Variants in NEO1 observed in about 807,000 individuals in gnomAD.
NEO1 encodes neogenin.
Under a neutral mutation model 159.7 loss-of-function variants are expected in NEO1, and 63 were observed. The observed-to-expected ratio is 0.39, with a 90% CI of 0.32 to 0.49. The LOEUF (loss-of-function observed/expected upper bound fraction) is 0.49, where lower values mean the gene tolerates loss of function less well. NEO1 is among the 20% of genes least tolerant of loss of function. NEO1 has a pLI of 0.85. For synonymous variants in NEO1, 633 were observed against 662.0 expected (o/e 0.96, Z 0.67); for missense variants, 1,615 against 1,831.0 (o/e 0.88, Z 2.15).
intron 1 of NEO1, among the ~76,000 whole-genome samples, chr15:73,093,672 C>T (rs1386923292): frequency 2.0e-5 from 3 of 151,932 alleles, no homozygotes; most frequent in African/African-American, 7.3e-5. Flanking sequence ...CTCCCAGGCT[C>T]AGGTGATCCT....
chr15:73,302,478 C>T (rs1567741964), intron 28 of NEO1, 135 bp from the exon 29 acceptor site: 6 of 700,872 alleles, frequency 8.6e-6, no homozygotes, highest in Non-Finnish European at 9.7e-6. Flanking sequence ...CTCTTCTGAG[C>T]CACCCTGCGT....
rs149800857 is a variant in NEO1, at chr15:73,301,445, A to G, written c.4290A>G (p.Glu1430=). Residue 1430 remains glutamate (E), a synonymous_variant, in exon 28 of 29, where the codon GAA becomes GAG. Transcript: ENST00000261908. ...TGCAGGAGACCACAAGGATGTTGGA[A>G]GACTCCGAGAGTGTAAGTTCGTGGG... ...PEVQETTRML[E]DSESSYEPDE... 4.9e-5 allele frequency: 79 copies of G among 1,614,180 alleles called. 1 individual carries two copies. The African/African-American group carries it at 6.8e-4, about 14-fold the overall frequency.
chr15:73,286,027 C>G (rs989029374), intron 23 of NEO1, among the ~76,000 whole-genome samples: 7 of 152,128 alleles, frequency 4.6e-5, no homozygotes, highest in Admixed American at 6.5e-5. Flanking sequence ...TAAGTGTGCT[C>G]TAACTTCTTC....
chr15:73,097,786 T>C (rs1304126565), intron 1 of NEO1, among the ~76,000 whole-genome samples: 1 of 146,650 alleles, frequency 6.8e-6, no homozygotes, highest in Non-Finnish European at 1.5e-5. Flanking sequence ...CTTTTTTTTT[T>C]TTTTTTTTTT....
At chr15:73,122,063 G>GTA (rs200219694) in intron 2 of NEO1, among the ~76,000 whole-genome samples, 6,864 of 125,556 alleles carry the variant, frequency 0.055, 200 homozygotes, top group Admixed American at 0.073. Context: ...GTGTGTGTGT[G>GTA]TATATATATA....
At chr15:73,235,131 C>T (rs1045226593) in intron 7 of NEO1, among the ~76,000 whole-genome samples, 7 of 152,140 alleles carry the variant, frequency 4.6e-5, no homozygotes, top group South Asian at 2.1e-4. Flanking sequence ...ATTTATTTCA[C>T]GTGGCGTATT....
intron 1 of NEO1, among the ~76,000 whole-genome samples, chr15:73,102,585 G>T (rs2070462457): frequency 6.6e-6 from 1 of 152,068 alleles, no homozygotes; most frequent in Non-Finnish European, 1.5e-5. Flanking sequence ...CTAATGAATG[G>T]CTGTGTTTTA....
At chr15:73,184,244 C>T (rs536341977) in intron 7 of NEO1, among the ~76,000 whole-genome samples, 2 of 152,272 alleles carry the variant, frequency 1.3e-5, no homozygotes, top group East Asian at 3.9e-4. Context: ...CAGCCTCCGC[C>T]TCCCGGGTTC....
intron 5 of NEO1, among the ~76,000 whole-genome samples, chr15:73,168,002 CAA>C (rs1440354600): frequency 6.6e-6 from 1 of 151,874 alleles, no homozygotes. Flanking sequence ...TTAGGAGAAA[CAA>C]TGATATAAAA....
rs1436351337 is a variant in NEO1, at chr15:73,289,338, A to G, written c.3742+100A>G. 4.0e-6 allele frequency: 4 copies of G among 1,001,688 alleles called. No homozygotes were observed. In the African/African-American group the frequency reaches 4.8e-5, roughly 12 times the overall value. 62.0% of individuals were successfully genotyped at this position (1,001,688 alleles called of 1,614,324 possible). On this transcript the variant is annotated intron_variant, in intron 25 of 28. Transcript: ENST00000261908. ...TTTTGACTTCACTTGATTCTAACAC[A>G]AAGATAATCTACCAAAGCTTTGACA...
chr15:73,231,433 T>C (rs2038904941), intron 7 of NEO1, among the ~76,000 whole-genome samples: 1 of 152,170 alleles, frequency 6.6e-6, no homozygotes, highest in African/African-American at 2.4e-5. Flanking sequence ...TTCCTCTTGC[T>C]ATAAAAGTAG....
chr15:73,076,321 C>T (rs904044451), intron 1 of NEO1, among the ~76,000 whole-genome samples: 75 of 152,122 alleles, frequency 4.9e-4, no homozygotes, highest in African/African-American at 1.7e-3. Flanking sequence ...AATTTTTACC[C>T]TGCTCTTAAG....
At chr15:73,232,088 G>T (rs1324667385) in intron 7 of NEO1, among the ~76,000 whole-genome samples, 6 of 152,092 alleles carry the variant, frequency 3.9e-5, no homozygotes, top group African/African-American at 4.8e-5. Context: ...TTGATTATGA[G>T]TCACACTTTA....
chr15:73,271,713 C>A (rs2041177255), intron 18 of NEO1, among the ~76,000 whole-genome samples: 1 of 152,020 alleles, frequency 6.6e-6, no homozygotes, highest in African/African-American at 2.4e-5. Context: ...TCGAGACCAG[C>A]CTGGCCAACA....
intron 4 of NEO1, among the ~76,000 whole-genome samples, chr15:73,127,232 A>G (rs893673817): frequency 9.5e-5 from 14 of 147,990 alleles, no homozygotes; most frequent in African/African-American, 3.4e-4. Context: ...CGCCGTCTCA[A>G]AAAAAAAAAA....
At chr15:73,225,263 A>G (rs1410706180) in intron 7 of NEO1, among the ~76,000 whole-genome samples, 1 of 151,986 alleles carries the variant, frequency 6.6e-6, no homozygotes, top group African/African-American at 2.4e-5. Flanking sequence ...TTAATGCTCT[A>G]TTTTTGTGCT....
intron 8 of NEO1, 87 bp downstream of exon 8, chr15:73,236,593 C>A: frequency 8.4e-7 from 1 of 1,189,378 alleles, no homozygotes; most frequent in Non-Finnish European, 1.2e-6. Flanking sequence ...GTATCTGTAC[C>A]AATTTTTAGT....
intron 7 of NEO1, among the ~76,000 whole-genome samples, chr15:73,200,451 A>C (rs377224748): frequency 7.0e-6 from 1 of 142,468 alleles, no homozygotes; most frequent in African/African-American, 2.6e-5. Flanking sequence ...AGAGAGGGAG[A>C]GGGGGAGGGG....
At chr15:73,053,230 A>T (rs1331739820) in intron 1 of NEO1, among the ~76,000 whole-genome samples, 2 of 152,108 alleles carry the variant, frequency 1.3e-5, no homozygotes, top group Non-Finnish European at 2.9e-5. Flanking sequence ...AGGGGGCTTG[A>T]GCTCCTGGTT....
Sources: gnomAD v4.1 joint callset for allele counts (sites outside exome capture counted in the v4.1 genomes callset) on GRCh38, gnomAD v4.1.1 for gene constraint, MANE v1.5 for transcripts, NCBI Gene and HGNC (gene_info 2026-07-23, HGNC 2026-07-21) for gene names.